The following ZHX3 variants were observed in gnomAD, a reference collection of about 807,000 sequenced individuals.
ZHX3 encodes zinc fingers and homeoboxes 3, also known as zinc fingers and homeoboxes protein 3.
Under a neutral mutation model 64.5 loss-of-function variants are expected in ZHX3, and 20 were observed. The ratio of observed to expected loss-of-function variants is 0.31; its 90% confidence interval spans 0.22 to 0.45. The LOEUF (loss-of-function observed/expected upper bound fraction) is 0.45. Among genes scored for constraint, ZHX3 ranks in the 20% least tolerant of loss-of-function variants. The pLI, the probability that ZHX3 is intolerant of heterozygous loss-of-function variation, is 1.00. For synonymous variants in ZHX3, 423 were observed against 461.6 expected (o/e 0.92, Z 1.07); for missense variants, 1,041 against 1,195.8 (o/e 0.87, Z 1.91).
Position 41,202,315 on chromosome 20 carries a change from G to A in ZHX3, c.2602C>T (p.Leu868Phe). Reference protein sequence around the residue: ...KMLYEEDLQNLCDKTQMSSQQ... With the variant: ...KMLYEEDLQNFCDKTQMSSQQ... Reference sequence around the variant, plus strand: ...GAGCTCATCTGGGTCTTGTCACAGAGGTTCTGCAGGTCCTCTTCATACAGC... The same window carrying A: ...GAGCTCATCTGGGTCTTGTCACAGAAGTTCTGCAGGTCCTCTTCATACAGC... The change falls in exon 3 of 4, where the codon CTC becomes TTC. Residue 868 changes from leucine (L) to phenylalanine (F), a missense_variant. Physicochemically the swap from Leu to Phe is conservative, Grantham distance 22 (BLOSUM62 0). Transcript: ENST00000683867. The surrounding 1 kb of genome is among the most constrained non-coding windows in gnomAD (Gnocchi z 7.0). 6.2e-7 allele frequency: 1 copy of A among 1,614,200 alleles called. No individual in the cohort carries two copies. Among genetic ancestry groups the A allele is most frequent in the Non-Finnish European group, 8.5e-7 (1 of 1,180,042 alleles).
chr20:41,270,686 A>G (rs991445063), intron 1 of ZHX3, among the ~76,000 whole-genome samples: 1 of 152,094 alleles, frequency 6.6e-6, no homozygotes, highest in African/African-American at 2.4e-5. Context: ...AGAAAAAAAA[A>G]AAAAAAGTAT....
chr20:41,240,426 T>C (rs924321378), intron 2 of ZHX3, among the ~76,000 whole-genome samples: 9 of 152,162 alleles, frequency 5.9e-5, no homozygotes, highest in Non-Finnish European at 7.4e-5. Flanking sequence ...ACATGGTAGG[T>C]ATATATATTT....
At chr20:41,284,762 T>C (rs1367246577) in intron 1 of ZHX3, among the ~76,000 whole-genome samples, 1 of 152,174 alleles carries the variant, frequency 6.6e-6, no homozygotes, top group Non-Finnish European at 1.5e-5. Context: ...AATCTAGGGA[T>C]GTTATGATCT....
intron 1 of ZHX3, among the ~76,000 whole-genome samples, chr20:41,283,640 C>T (rs1020236248): frequency 6.6e-6 from 1 of 152,112 alleles, no homozygotes; most frequent in African/African-American, 2.4e-5. Context: ...CGCCTGTATC[C>T]CAGCTACTCA....
chr20:41,229,447 T>C (rs1016616663), intron 2 of ZHX3, among the ~76,000 whole-genome samples: 2 of 152,174 alleles, frequency 1.3e-5, no homozygotes, highest in East Asian at 3.8e-4. Flanking sequence ...CACATGGTGA[T>C]TCTATTTTTA....
At chr20:41,216,295 T>C (rs1459562051) in intron 2 of ZHX3, among the ~76,000 whole-genome samples, 2 of 152,234 alleles carry the variant, frequency 1.3e-5, no homozygotes, top group African/African-American at 4.8e-5. Flanking sequence ...TTTTACTTTG[T>C]TTCAAATTAT....
rs753762897 is a variant in ZHX3, at chr20:41,203,929, T to C, written c.988A>G (p.Thr330Ala). Reference protein sequence around the residue: ...KNSFHKFPYPTKAELCYLTVV... With the variant: ...KNSFHKFPYPAKAELCYLTVV... The stretch of plus-strand genomic sequence containing the variant: ...GTCAAATAGCAGAGCTCGGCTTTGG[T>C]GGGGTAGGGGAACTTGTGGAAGGAG... Residue 330 changes from threonine to alanine, a missense_variant, in exon 3 of 4, where the codon ACC (threonine) becomes GCC (alanine). Around this residue, in one of 4 missense-constraint regions of ZHX3, gnomAD observed 28 missense variants for 66.7 expected, o/e 0.42. Transcript: ENST00000683867. The surrounding 1 kb of genome is among the most constrained non-coding windows in gnomAD (Gnocchi z 7.1). 36 of 1,613,920 alleles carry C rather than the reference T, an allele frequency of 2.2e-5. No homozygotes were observed. The highest frequency in any genetic ancestry group is 3.0e-5 in the Non-Finnish European group (35 of 1,180,004).
intron 1 of ZHX3, among the ~76,000 whole-genome samples, chr20:41,299,190 A>G (rs1242289884): frequency 6.6e-6 from 1 of 152,208 alleles, no homozygotes; most frequent in Non-Finnish European, 1.5e-5. Flanking sequence ...CTGCTATTAC[A>G]TTTACTTGGG....
At chr20:41,231,574 T>G (rs1347857648) in intron 2 of ZHX3, among the ~76,000 whole-genome samples, 2 of 152,246 alleles carry the variant, frequency 1.3e-5, no homozygotes, top group African/African-American at 4.8e-5. Context: ...TTTTTTTGTA[T>G]GTGGCTGACT....
rs1049180603 is a variant in ZHX3, at chr20:41,212,732, G to A, written c.-150-7666C>T. ...GAATTGCTTGAACCTGGGAGGCGGA[G>A]GTTGCAGTGAGCCAAGATCATGCCA... is the stretch of plus-strand genomic sequence containing the variant. On this transcript the variant is annotated intron_variant, in intron 2 of 3. Coordinates refer to ENST00000683867, the MANE Select transcript of ZHX3 (RefSeq NM_001384317.1). The surrounding 1 kb of genome is among the most constrained non-coding windows in gnomAD (Gnocchi z 4.3). Among the ~76,000 whole-genome samples the A allele has an allele frequency of 7.2e-5, 11 of 151,790 alleles. No individual in the cohort carries two copies. In the East Asian group the frequency reaches 1.2e-3, roughly 16 times the overall value.
chr20:41,253,879 G>C (rs925535050), intron 2 of ZHX3, among the ~76,000 whole-genome samples: 1 of 151,516 alleles, frequency 6.6e-6, no homozygotes, highest in South Asian at 2.1e-4. Context: ...CTGGTAGTGG[G>C]TATATGGTTG....
rs140175465 is a variant in ZHX3 at position 41,185,284 on chromosome 20, G to A, written c.2861-83C>T. ...GCAGCCTGGTCCTTGCTATACCAGG[G>A]TGGCATCACTGGCTTTGAGGACCTC... On this transcript the variant is annotated intron_variant, in intron 3 of 3. Coordinates refer to ENST00000683867, the MANE Select transcript of ZHX3 (RefSeq NM_001384317.1). The surrounding 1 kb of genome is among the most constrained non-coding windows in gnomAD (Gnocchi z 5.0). The A allele has an allele frequency of 4.3e-3, 6,354 of 1,478,650 alleles. 41 individuals carry two copies. The highest frequency in any genetic ancestry group is 0.039 in the Middle Eastern group (171 of 4,422). The allele number at this position is 1,478,650 out of a possible 1,614,324, so 91.6% of individuals were successfully genotyped here.
intron 1 of ZHX3, among the ~76,000 whole-genome samples, chr20:41,311,771 C>A (rs571596929): frequency 1.3e-5 from 2 of 152,332 alleles, no homozygotes; most frequent in South Asian, 4.1e-4. Flanking sequence ...AATATAATTA[C>A]CATCATCACC....
chr20:41,243,860 C>T (rs2041534651), intron 2 of ZHX3, among the ~76,000 whole-genome samples: 1 of 152,056 alleles, frequency 6.6e-6, no homozygotes, highest in African/African-American at 2.4e-5. Flanking sequence ...TCAACTCTGA[C>T]TGGAGTGAGG....
At chr20:41,265,786 T>C (rs893658669) in intron 2 of ZHX3, among the ~76,000 whole-genome samples, 13 of 152,210 alleles carry the variant, frequency 8.5e-5, no homozygotes, top group African/African-American at 3.1e-4. Context: ...AAAAAAGTAT[T>C]ACTATTAACC....
At chr20:41,272,477 T>C (rs2043190804) in intron 1 of ZHX3, among the ~76,000 whole-genome samples, 1 of 152,174 alleles carries the variant, frequency 6.6e-6, no homozygotes. Flanking sequence ...TGATGAAATA[T>C]TTTCATCACC....
At chr20:41,244,410 C>T (rs529701111) in intron 2 of ZHX3, among the ~76,000 whole-genome samples, 246 of 152,296 alleles carry the variant, frequency 1.6e-3, no homozygotes, top group African/African-American at 5.7e-3. Flanking sequence ...GTAGCTCACG[C>T]CTGTAATCCT....
chr20:41,274,898 T>G lies in ZHX3; in HGVS notation c.-244-5815A>C, dbSNP rs188461234. On this transcript the variant is annotated intron_variant, in intron 1 of 3. Coordinates refer to ENST00000683867, the MANE Select transcript of ZHX3 (RefSeq NM_001384317.1). Reference sequence around the variant, plus strand: ...GGGCCAGGTGCGGTGGCTTAATGCCTGTAATCCCAGCACTTTGGGAGGCCA... The same window carrying G: ...GGGCCAGGTGCGGTGGCTTAATGCCGGTAATCCCAGCACTTTGGGAGGCCA... Among the ~76,000 whole-genome samples the G allele has an allele frequency of 2.4e-3, 367 of 152,238 alleles. 1 individual carries two copies. The highest frequency in any genetic ancestry group is 3.8e-3 in the Non-Finnish European group (259 of 68,014).
chr20:41,279,984 A>G (rs1461265682), intron 1 of ZHX3, among the ~76,000 whole-genome samples: 1 of 152,186 alleles, frequency 6.6e-6, no homozygotes, highest in East Asian at 1.9e-4. Context: ...CAGAAAGGCT[A>G]AGGTGTGAGA....
Sources: allele counts gnomAD v4.1 joint callset (sites outside exome capture counted in the v4.1 genomes callset), GRCh38; gene constraint gnomAD v4.1.1; regional missense constraint gnomAD v4.1.1; non-coding constraint Gnocchi (gnomAD v3.1); transcripts MANE v1.5; gene names NCBI Gene and HGNC (gene_info 2026-07-23, HGNC 2026-07-21).